The following C1GALT1 variants were observed in gnomAD, a reference collection of about 807,000 sequenced individuals.
The protein encoded by C1GALT1 is core 1 synthase, glycoprotein-N-acetylgalactosamine 3-beta-galactosyltransferase 1.
Under a neutral mutation model 31.0 loss-of-function variants are expected in C1GALT1, and 11 were observed. The observed-to-expected ratio is 0.36, with a 90% confidence interval of 0.22 to 0.59. C1GALT1 has a LOEUF of 0.59. Among genes scored for constraint, C1GALT1 ranks in the 20% least tolerant of loss-of-function variants. The pLI, the probability that C1GALT1 is intolerant of heterozygous loss-of-function variation, is 0.79. For synonymous variants in C1GALT1, 175 were observed against 143.6 expected (o/e 1.22, Z -1.56); for missense variants, 424 against 425.2 (o/e 1.00, Z 0.03).
At chr7:7,195,097 T>G (rs1483412513) in intron 1 of C1GALT1, among the ~76,000 whole-genome samples, 1 of 152,212 alleles carries the variant, frequency 6.6e-6, no homozygotes, top group Non-Finnish European at 1.5e-5. Context: ...CAATTTTGTT[T>G]ATCTTTTCAA....
chr7:7,185,857 G>A (rs914906984), intron 1 of C1GALT1, among the ~76,000 whole-genome samples: 4 of 152,238 alleles, frequency 2.6e-5, no homozygotes, highest in African/African-American at 9.6e-5. Flanking sequence ...TAAATGTTTA[G>A]CATTATAGAC....
At chr7:7,201,750 TC>T (rs1781539986) in intron 1 of C1GALT1, among the ~76,000 whole-genome samples, 1 of 151,986 alleles carries the variant, frequency 6.6e-6, no homozygotes, top group African/African-American at 2.4e-5. Flanking sequence ...CTATATGCCC[TC>T]CCCCTCCCCC....
In C1GALT1 at chr7:7,227,561, A is replaced by G. The variant is rs182687315; in HGVS notation, c.-17-6742A>G. On this transcript the variant is annotated intron_variant, in intron 1 of 3. Coordinates refer to ENST00000436587, the MANE Select transcript of C1GALT1 (RefSeq NM_020156.5). ...CGGTGAAACCCCGTCTCTACTAAAAACACAAAAAATTAGCCGGGCGTAGTG... is the reference window on the plus strand; with the variant it reads ...CGGTGAAACCCCGTCTCTACTAAAAGCACAAAAAATTAGCCGGGCGTAGTG... 8.7e-3 allele frequency among the ~76,000 whole-genome samples: 1,329 copies of G among 152,032 alleles called. 25 individuals carry two copies. Among genetic ancestry groups the G allele is most frequent in the African/African-American group, 0.03 (1,257 of 41,442 alleles).
chr7:7,189,523 CGTT>C (rs1282833049), intron 1 of C1GALT1, among the ~76,000 whole-genome samples: 1 of 152,000 alleles, frequency 6.6e-6, no homozygotes, highest in Non-Finnish European at 1.5e-5. Flanking sequence ...ATTTGAACAT[CGTT>C]GACCATTTTT....
At position 7,229,586 on chromosome 7, in the gene C1GALT1, T is replaced by G. The variant is rs577120630; in HGVS notation, c.-17-4717T>G. Among the ~76,000 whole-genome samples, 21 of 152,292 alleles carry G rather than the reference T, an allele frequency of 1.4e-4. No homozygotes were observed. In the South Asian group the frequency reaches 2.9e-3, roughly 21 times the overall value. On this transcript the variant is annotated intron_variant, in intron 1 of 3. Coordinates refer to ENST00000436587, the MANE Select transcript of C1GALT1 (RefSeq NM_020156.5). ...GACTAATCAGTTCTCTCTGGCTGTT[T>G]GAATGAAATTTCAAACCAAGATTTC...
At chr7:7,157,635 A>G (rs1205138354) in intron 2 of C1GALT1, among the ~76,000 whole-genome samples, 1 of 152,204 alleles carries the variant, frequency 6.6e-6, no homozygotes, top group Non-Finnish European at 1.5e-5. Context: ...TTATTTCAAT[A>G]TAGTTTCTGT....
intron 2 of C1GALT1, among the ~76,000 whole-genome samples, chr7:7,169,518 T>G (rs2128227199): frequency 6.6e-6 from 1 of 152,198 alleles, no homozygotes; most frequent in African/African-American, 2.4e-5. Flanking sequence ...TGTCAACACT[T>G]GTTATTTTCT....
chr7:7,162,563 C>A (rs1780346002), intron 2 of C1GALT1, among the ~76,000 whole-genome samples: 1 of 151,736 alleles, frequency 6.6e-6, no homozygotes, highest in African/African-American at 2.4e-5. Context: ...GTGAATAGTG[C>A]CACAATAAAC....
At chr7:7,179,980 G>A (rs1583733417), upstream of C1GALT1, among the ~76,000 whole-genome samples, 1 of 152,112 alleles carries the variant, frequency 6.6e-6, no homozygotes, top group Non-Finnish European at 1.5e-5. Flanking sequence ...TGGTCACATG[G>A]CCAGCCATGA....
chr7:7,228,473 A>C lies in C1GALT1; in HGVS notation c.-17-5830A>C, dbSNP rs532533534. Among the ~76,000 whole-genome samples, 15 of 152,252 alleles carry C rather than the reference A, an allele frequency of 9.9e-5. No individual in the cohort carries two copies. The East Asian group carries it at 2.9e-3, about 29-fold the overall frequency. ...TAGTATTTAAGCCCTCATAATGTGCAGTGTGGTTAAGCTGTGTCTTTTTCC... is the reference window on the plus strand; with the variant it reads ...TAGTATTTAAGCCCTCATAATGTGCCGTGTGGTTAAGCTGTGTCTTTTTCC... On this transcript the variant is annotated intron_variant, in intron 1 of 3. Coordinates refer to ENST00000436587, the MANE Select transcript of C1GALT1 (RefSeq NM_020156.5).
At chr7:7,206,287 T>C (rs1337659189) in intron 1 of C1GALT1, among the ~76,000 whole-genome samples, 2 of 152,202 alleles carry the variant, frequency 1.3e-5, no homozygotes, top group South Asian at 2.1e-4. Flanking sequence ...TTACTGTCAC[T>C]GCAATTTTTA....
At chr7:7,175,308 T>C (rs1780493559) in intron 2 of C1GALT1, among the ~76,000 whole-genome samples, 1 of 152,248 alleles carries the variant, frequency 6.6e-6, no homozygotes. Flanking sequence ...CTTTGCAAAG[T>C]GGCTCTAAGC....
intron 1 of C1GALT1, among the ~76,000 whole-genome samples, chr7:7,232,511 G>GAGAC (rs1783134054): frequency 1.1e-5 from 1 of 86,974 alleles, no homozygotes. Flanking sequence ...TTTTTTTTTT[G>GAGAC]AGACAGAGTC....
intron 1 of C1GALT1, among the ~76,000 whole-genome samples, chr7:7,211,390 G>C (rs551973381): frequency 7.2e-5 from 11 of 152,170 alleles, no homozygotes; most frequent in Admixed American, 3.3e-4. Flanking sequence ...CTTTACTAGA[G>C]GTGTTAATCA....
At chr7:7,239,134 T>C (rs748776652) in intron 3 of C1GALT1, among the ~76,000 whole-genome samples, 3 of 152,236 alleles carry the variant, frequency 2.0e-5, no homozygotes, top group Non-Finnish European at 2.9e-5. Context: ...GATGCTGTTA[T>C]ATGCCAGGCA....
Position 7,238,161 on chromosome 7 carries a change from T to G in C1GALT1, c.221-94T>G. 2 of 1,240,414 alleles carry G rather than the reference T, an allele frequency of 1.6e-6. No individual in the cohort carries two copies. The highest frequency in any genetic ancestry group is 5.4e-5 in the Admixed American group (2 of 36,896). The allele number at this position is 1,240,414 out of a possible 1,614,324, so 76.8% of individuals were successfully genotyped here. ...CACTAATAGAGGGATAAATAGGGAC[T>G]TTGAAATTAGGACAGTGCTTTCTTC... On this transcript the variant is annotated intron_variant, in intron 2 of 3. Transcript: ENST00000436587. The surrounding 1 kb of genome is among the most constrained non-coding windows in gnomAD (Gnocchi z 5.2).
At chr7:7,202,315 A>T (rs944443935) in intron 1 of C1GALT1, among the ~76,000 whole-genome samples, 3 of 152,046 alleles carry the variant, frequency 2.0e-5, no homozygotes, top group Non-Finnish European at 4.4e-5. Context: ...GAGTCTCCAC[A>T]CACTACTCGG....
intron 1 of C1GALT1, among the ~76,000 whole-genome samples, chr7:7,208,468 A>G (rs979542925): frequency 6.6e-6 from 1 of 152,136 alleles, no homozygotes; most frequent in Non-Finnish European, 1.5e-5. Context: ...GGGGACTACT[A>G]TAGTGAATTT....
Position 7,243,882 on chromosome 7 carries a change from T to C in C1GALT1, c.*155T>C, listed in dbSNP as rs1472409015. On this transcript the variant is annotated 3_prime_UTR_variant, in exon 4 of 4. Transcript: ENST00000436587. ...ACATGAATGACTATAAACTGAAGCTTTAAATGAGCTGTGAAGTGTGTTAAA... is the reference window on the plus strand; with the variant it reads ...ACATGAATGACTATAAACTGAAGCTCTAAATGAGCTGTGAAGTGTGTTAAA... 4 of 546,308 alleles carry C rather than the reference T, an allele frequency of 7.3e-6. No homozygotes were observed. Among genetic ancestry groups the C allele is most frequent in the Non-Finnish European group, 1.3e-5 (4 of 317,070 alleles). The allele number at this position is 546,308 out of a possible 1,614,324, so 33.8% of individuals were successfully genotyped here.
Sources: gnomAD v4.1 joint callset for allele counts (sites outside exome capture counted in the v4.1 genomes callset) on GRCh38, gnomAD v4.1.1 for gene constraint, Gnocchi (gnomAD v3.1) non-coding constraint, MANE v1.5 for transcripts, NCBI Gene and HGNC (gene_info 2026-07-23, HGNC 2026-07-21) for gene names.